The following BRINP3 variants were observed in gnomAD, a reference collection of about 807,000 sequenced individuals.
The protein encoded by BRINP3 is BMP/retinoic acid-inducible neural-specific protein 3.
In BRINP3, 19 loss-of-function variants were observed where a neutral mutation model predicts 71.0. That is an observed-to-expected ratio of 0.27 (90% CI 0.19 to 0.39). BRINP3 has a LOEUF of 0.39. Ranked by LOEUF, BRINP3 falls within the 10% of genes least tolerant of loss-of-function variation. The pLI is 1.00. For missense variants in BRINP3, 959 were observed against 940.8 expected (o/e 1.02, Z -0.25); for synonymous variants, 380 against 337.7 (o/e 1.13, Z -1.37).
At chr1:190,475,566 C>A (rs966006582) in intron 1 of BRINP3, among the ~76,000 whole-genome samples, 1 of 152,142 alleles carries the variant, frequency 6.6e-6, no homozygotes, top group African/African-American at 2.4e-5. Context: ...CAACACCAAG[C>A]CTGGGGCCAG....
chr1:190,272,794 A>C (rs889003924), intron 3 of BRINP3, among the ~76,000 whole-genome samples: 1 of 151,510 alleles, frequency 6.6e-6, no homozygotes, highest in African/African-American at 2.4e-5. Context: ...ATTTTAATCC[A>C]TGTATACAAA....
chr1:190,361,053 C>T (rs1186376790), intron 2 of BRINP3, among the ~76,000 whole-genome samples: 1 of 151,686 alleles, frequency 6.6e-6, no homozygotes, highest in Non-Finnish European at 1.5e-5. Flanking sequence ...CTTTAAAAGT[C>T]GGGGTGGGGA....
intron 6 of BRINP3, among the ~76,000 whole-genome samples, chr1:190,178,686 C>A (rs1222825689): frequency 6.6e-6 from 1 of 152,082 alleles, no homozygotes; most frequent in Non-Finnish European, 1.5e-5. Context: ...ATTTTTCTTA[C>A]AGCCTCTACT....
At chr1:190,285,719 G>A (rs896697714) in intron 2 of BRINP3, among the ~76,000 whole-genome samples, 1 of 151,632 alleles carries the variant, frequency 6.6e-6, no homozygotes, top group Non-Finnish European at 1.5e-5. Flanking sequence ...AAGGGGTGAG[G>A]GTTTGTTTTT....
At chr1:190,216,527 G>T (rs764085047) in intron 6 of BRINP3, among the ~76,000 whole-genome samples, 60 of 151,838 alleles carry the variant, frequency 4.0e-4, no homozygotes, top group Non-Finnish European at 8.1e-4. Context: ...CATGAAAAGA[G>T]AAATATTTCT....
intron 2 of BRINP3, among the ~76,000 whole-genome samples, chr1:190,387,436 G>A (rs1004848870): frequency 2.6e-5 from 4 of 151,822 alleles, no homozygotes; most frequent in African/African-American, 7.2e-5. Flanking sequence ...ACTGATAGCC[G>A]CATTGTACTC....
In BRINP3 at chr1:190,186,934, C is replaced by T. The variant is rs538949927; in HGVS notation, c.962-26044G>A. On this transcript the variant is annotated intron_variant, in intron 6 of 7. Coordinates refer to ENST00000367462, the MANE Select transcript of BRINP3 (RefSeq NM_199051.3). The stretch of plus-strand genomic sequence containing the variant: ...CTAGATGAGTCTGGTTAGGTTTGGA[C>T]ACTCTGAAATAGATCTGTATCTTCC... Among the ~76,000 whole-genome samples the T allele has an allele frequency of 2.6e-5, 4 of 152,268 alleles. No homozygotes were observed. In the South Asian group the frequency reaches 8.3e-4, roughly 32 times the overall value.
chr1:190,281,303 A>G (rs1165908706), intron 3 of BRINP3, among the ~76,000 whole-genome samples: 1 of 151,978 alleles, frequency 6.6e-6, no homozygotes, highest in African/African-American at 2.4e-5. Context: ...TACAGAGTGC[A>G]ACAATTATGT....
chr1:190,167,477 CT>C (rs1217291774), intron 6 of BRINP3, among the ~76,000 whole-genome samples: 15 of 152,176 alleles, frequency 9.9e-5, no homozygotes, highest in Non-Finnish European at 1.9e-4. Context: ...GAGTTTACTA[CT>C]AATAGAGATG....
chr1:190,398,439 T>C lies in BRINP3; in HGVS notation c.236+56216A>G, dbSNP rs1671719306. Among the ~76,000 whole-genome samples, 3 of 151,958 alleles carry C rather than the reference T, an allele frequency of 2.0e-5. No individual in the cohort carries two copies. In the South Asian group the frequency reaches 6.2e-4, roughly 32 times the overall value. On this transcript the variant is annotated intron_variant, in intron 2 of 7. Coordinates refer to ENST00000367462, the MANE Select transcript of BRINP3 (RefSeq NM_199051.3). ...AAAGGTAACCTAATTTTATAGGGGA[T>C]TTACTTCTTACAGATGAATTTGTGT...
rs1651359078 is a variant in BRINP3, at chr1:190,098,129, A to G, written c.2190T>C (p.His730=). Residue 730 remains histidine (H), a synonymous_variant, in exon 8 of 8, where the codon CAT becomes CAC. Transcript: ENST00000367462. ...RLDLFSCLLR[H]RLKLSTSEVV... ...CCTCACTAGTAGACAGCTTGAGTCTATGACGAAGCAAGCAAGAGAAAAGAT... is the reference window on the plus strand; with the variant it reads ...CCTCACTAGTAGACAGCTTGAGTCTGTGACGAAGCAAGCAAGAGAAAAGAT... 9 of 1,614,204 alleles carry G rather than the reference A, an allele frequency of 5.6e-6. No individual in the cohort carries two copies. The highest frequency in any genetic ancestry group is 7.6e-6 in the Non-Finnish European group (9 of 1,180,040).
chr1:190,313,578 C>A (rs1665678398), intron 2 of BRINP3, among the ~76,000 whole-genome samples: 3 of 152,034 alleles, frequency 2.0e-5, no homozygotes, highest in African/African-American at 7.2e-5. Context: ...TTACATTTTG[C>A]AAATTTTTAT....
chr1:190,256,787 T>C (rs898361983), intron 4 of BRINP3, among the ~76,000 whole-genome samples: 1 of 152,236 alleles, frequency 6.6e-6, no homozygotes, highest in Non-Finnish European at 1.5e-5. Flanking sequence ...TTGAAAACTC[T>C]TTTCTTTAAG....
rs557463966 is a variant in BRINP3 at position 190,231,241 on chromosome 1, A to T, written c.724+3131T>A. On this transcript the variant is annotated intron_variant, in intron 5 of 7. Transcript: ENST00000367462. ...TTATTATCTGTCTTCATTTTTAAGT[A>T]TGTAAGCACTGAGAACATGTGATTC... Among the ~76,000 whole-genome samples, 71 of 151,870 alleles carry T rather than the reference A, an allele frequency of 4.7e-4. 1 individual carries two copies. Among genetic ancestry groups the T allele is most frequent in the African/African-American group, 1.7e-3 (70 of 41,510 alleles).
intron 2 of BRINP3, among the ~76,000 whole-genome samples, chr1:190,300,287 C>T (rs560608331): frequency 6.6e-6 from 1 of 152,210 alleles, no homozygotes; most frequent in African/African-American, 2.4e-5. Context: ...CTTCTCACTT[C>T]CTTTCATTCA....
chr1:190,464,146 TAAA>T lies in BRINP3; in HGVS notation c.-50-9209_-50-9207del, dbSNP rs869097577. 4.4e-3 allele frequency among the ~76,000 whole-genome samples: 655 copies of T among 149,516 alleles called. 2 individuals carry two copies. The highest frequency in any genetic ancestry group is 0.016 in the African/African-American group (635 of 40,874). On this transcript the variant is annotated intron_variant, in intron 1 of 7. Transcript: ENST00000367462. The stretch of plus-strand genomic sequence containing the variant: ...ACGTCTTTCAAAAAGTGTTTTTTTT[TAAA>T]AAAAAAAGTAAACTAAAAGTTAGTG...
chr1:190,374,495 G>A (rs1670064713), intron 2 of BRINP3, among the ~76,000 whole-genome samples: 1 of 151,972 alleles, frequency 6.6e-6, no homozygotes, highest in Non-Finnish European at 1.5e-5. Context: ...CTAAAAAGGA[G>A]GCATCAAAAA....
chr1:190,257,181 G>A (rs151232749), intron 4 of BRINP3, among the ~76,000 whole-genome samples: 2,305 of 152,078 alleles, frequency 0.015, 71 homozygotes, highest in African/African-American at 0.052. Context: ...GGCTTTGTCC[G>A]TTTCTTTTTA....
intron 2 of BRINP3, among the ~76,000 whole-genome samples, chr1:190,351,561 G>C (rs879720793): frequency 6.6e-6 from 1 of 152,054 alleles, no homozygotes; most frequent in Non-Finnish European, 1.5e-5. Context: ...ACAGGGCAGA[G>C]AAAATTTGAA....
Sources: gnomAD v4.1 joint callset for allele counts (sites outside exome capture counted in the v4.1 genomes callset) on GRCh38, gnomAD v4.1.1 for gene constraint, MANE v1.5 for transcripts, NCBI Gene and HGNC (gene_info 2026-07-23, HGNC 2026-07-21) for gene names.